The following ST6GALNAC3 variants were observed in gnomAD, a reference collection of about 807,000 sequenced individuals.
ST6GALNAC3 encodes the protein alpha-N-acetylgalactosaminide alpha-2,6-sialyltransferase 3.
Under a neutral mutation model 32.7 loss-of-function variants are expected in ST6GALNAC3, and 25 were observed. That is an observed-to-expected ratio of 0.76 (90% CI 0.56 to 1.07). ST6GALNAC3 has a LOEUF of 1.07. Ranked by LOEUF, ST6GALNAC3 falls within the 50% of genes least tolerant of loss-of-function variation. The probability of loss-of-function intolerance (pLI) is 0.00; values close to 1 mark genes in which losing one functional copy is unlikely to be tolerated. For synonymous variants in ST6GALNAC3, 129 were observed against 133.1 expected (o/e 0.97, Z 0.21); for missense variants, 355 against 382.4 (o/e 0.93, Z 0.60).
At position 76,256,015 on chromosome 1, in the gene ST6GALNAC3, A is replaced by AACACAC. The variant is rs10635688; in HGVS notation, c.19-57768_19-57763dup. ...ATTTTTTCAAAAGACTGTCAGTGGT[A>AACACAC]ACACACACACACACACACACACACA... On this transcript the variant is annotated intron_variant, in intron 1 of 4. Transcript: ENST00000328299. Among the ~76,000 whole-genome samples the AACACAC allele has an allele frequency of 2.3e-3, 336 of 148,498 alleles. 4 individuals are homozygous for AACACAC. Among genetic ancestry groups the AACACAC allele is most frequent in the African/African-American group, 6.3e-3 (252 of 40,204 alleles).
At chr1:76,104,919 C>A (rs1015977527) in intron 1 of ST6GALNAC3, among the ~76,000 whole-genome samples, 2 of 152,116 alleles carry the variant, frequency 1.3e-5, no homozygotes, top group Non-Finnish European at 2.9e-5. Context: ...TATTCACTAT[C>A]ATGAAAACAA....
chr1:76,501,549 G>A (rs1038341969), intron 3 of ST6GALNAC3, among the ~76,000 whole-genome samples: 2 of 152,060 alleles, frequency 1.3e-5, no homozygotes, highest in African/African-American at 4.8e-5. Context: ...GAAGTGAATT[G>A]TAAGAGATGG....
chr1:76,078,978 C>T (rs946390488), intron 1 of ST6GALNAC3, among the ~76,000 whole-genome samples: 2 of 152,254 alleles, frequency 1.3e-5, no homozygotes, highest in African/African-American at 2.4e-5. Flanking sequence ...GACGGGGTTT[C>T]ACCATGTTGG....
chr1:76,456,765 T>G (rs536574026), intron 3 of ST6GALNAC3, among the ~76,000 whole-genome samples: 1 of 152,208 alleles, frequency 6.6e-6, no homozygotes, highest in African/African-American at 2.4e-5. Context: ...GGGCAAAAAC[T>G]GGAAGCATTC....
At chr1:76,163,693 G>T (rs543096613) in intron 1 of ST6GALNAC3, among the ~76,000 whole-genome samples, 1 of 152,054 alleles carries the variant, frequency 6.6e-6, no homozygotes, top group African/African-American at 2.4e-5. Flanking sequence ...CTTAAATTCA[G>T]TGACATTTTA....
intron 1 of ST6GALNAC3, among the ~76,000 whole-genome samples, chr1:76,158,591 T>G (rs1651618181): frequency 6.6e-6 from 1 of 152,316 alleles, no homozygotes; most frequent in Non-Finnish European, 1.5e-5. Context: ...TTATTCTTAT[T>G]TTTAAAATTT....
At chr1:76,375,601 G>A (rs933867880) in intron 2 of ST6GALNAC3, among the ~76,000 whole-genome samples, 3 of 152,234 alleles carry the variant, frequency 2.0e-5, no homozygotes, top group African/African-American at 7.2e-5. Context: ...CAGGACCAAC[G>A]GTTGATTTTC....
chr1:76,319,700 G>A (rs570414304), intron 2 of ST6GALNAC3, among the ~76,000 whole-genome samples: 4 of 152,210 alleles, frequency 2.6e-5, no homozygotes, highest in Non-Finnish European at 4.4e-5. Flanking sequence ...ATTAAAATCC[G>A]AACATTCCCA....
At chr1:76,401,375 C>G (rs1352415011) in intron 2 of ST6GALNAC3, among the ~76,000 whole-genome samples, 1 of 152,072 alleles carries the variant, frequency 6.6e-6, no homozygotes, top group Non-Finnish European at 1.5e-5. Context: ...TTTTACATAT[C>G]TGCTCCATCA....
At chr1:76,342,761 A>G (rs113964260) in intron 2 of ST6GALNAC3, among the ~76,000 whole-genome samples, 4 of 151,522 alleles carry the variant, frequency 2.6e-5, no homozygotes, top group African/African-American at 9.7e-5. Context: ...TTTTTATAGT[A>G]GCCATTCTGA....
chr1:76,086,941 T>C (rs969696598), intron 1 of ST6GALNAC3, among the ~76,000 whole-genome samples: 4 of 152,200 alleles, frequency 2.6e-5, no homozygotes, highest in African/African-American at 9.6e-5. Flanking sequence ...AGAAAATTCA[T>C]TCCCCAGAAC....
intron 2 of ST6GALNAC3, among the ~76,000 whole-genome samples, chr1:76,345,205 C>T (rs1235296997): frequency 6.6e-6 from 1 of 152,178 alleles, no homozygotes; most frequent in African/African-American, 2.4e-5. Context: ...GATGAGGAGA[C>T]ACTGTCTTCA....
intron 1 of ST6GALNAC3, among the ~76,000 whole-genome samples, chr1:76,149,699 G>C (rs577443517): frequency 4.0e-4 from 60 of 150,456 alleles, no homozygotes; most frequent in African/African-American, 1.5e-3. Context: ...TTATCACATT[G>C]TGTATTCATA....
chr1:76,621,976 C>T (rs1648676784), intron 3 of ST6GALNAC3, among the ~76,000 whole-genome samples: 1 of 151,970 alleles, frequency 6.6e-6, no homozygotes, highest in Non-Finnish European at 1.5e-5. Flanking sequence ...CTGAGTATAA[C>T]AGATTTCAGA....
chr1:76,267,771 G>A (rs1248261781), intron 1 of ST6GALNAC3, among the ~76,000 whole-genome samples: 1 of 152,194 alleles, frequency 6.6e-6, no homozygotes, highest in African/African-American at 2.4e-5. Flanking sequence ...TTTGTGAATG[G>A]AAAGCAGCTG....
chr1:76,344,021 C>G (rs1416761502), intron 2 of ST6GALNAC3, among the ~76,000 whole-genome samples: 1 of 152,146 alleles, frequency 6.6e-6, no homozygotes, highest in Non-Finnish European at 1.5e-5. Context: ...TTCTGGGCTC[C>G]TGGAATTCAT....
At chr1:76,544,690 A>T (rs1664185407) in intron 3 of ST6GALNAC3, among the ~76,000 whole-genome samples, 1 of 152,182 alleles carries the variant, frequency 6.6e-6, no homozygotes, top group Admixed American at 6.5e-5. Context: ...GGTGCCTATG[A>T]AATATCCAAG....
intron 3 of ST6GALNAC3, among the ~76,000 whole-genome samples, chr1:76,609,866 T>C (rs1040328562): frequency 6.6e-6 from 1 of 152,184 alleles, no homozygotes; most frequent in Non-Finnish European, 1.5e-5. Flanking sequence ...ATTAATAGCT[T>C]TCCTTGTATT....
At chr1:76,185,367 A>G (rs942473503) in intron 1 of ST6GALNAC3, among the ~76,000 whole-genome samples, 2 of 152,148 alleles carry the variant, frequency 1.3e-5, no homozygotes, top group African/African-American at 4.8e-5. Context: ...ATCACATTAC[A>G]TTATGTTTAA....
Sources: gnomAD v4.1 joint callset for allele counts (sites outside exome capture counted in the v4.1 genomes callset) on GRCh38, gnomAD v4.1.1 for gene constraint, MANE v1.5 for transcripts, NCBI Gene and HGNC (gene_info 2026-07-23, HGNC 2026-07-21) for gene names.